Variants in LRRTM4 observed in about 807,000 individuals in gnomAD.
LRRTM4 encodes leucine rich repeat transmembrane neuronal 4.
LRRTM4 carries 25 observed loss-of-function variants against 47.6 expected under a neutral mutation model. That is an observed-to-expected ratio of 0.53 (90% CI 0.38 to 0.73). The LOEUF is 0.73. Among genes scored for constraint, LRRTM4 ranks in the 30% least tolerant of loss-of-function variants. The pLI, the probability that LRRTM4 is intolerant of heterozygous loss-of-function variation, is 0.00. For missense variants in LRRTM4, 638 were observed against 713.4 expected (o/e 0.89, Z 1.20); for synonymous variants, 311 against 269.5 (o/e 1.15, Z -1.51).
intron 3 of LRRTM4, among the ~76,000 whole-genome samples, chr2:76,779,802 T>C (rs1267884552): frequency 3.3e-5 from 5 of 152,218 alleles, no homozygotes; most frequent in African/African-American, 1.2e-4. Context: ...GATCTTATCA[T>C]TATGATGTTA....
At chr2:77,476,973 T>TGTGTGC (rs1475042423) in intron 3 of LRRTM4, among the ~76,000 whole-genome samples, 1 of 143,154 alleles carries the variant, frequency 7.0e-6, no homozygotes, top group African/African-American at 2.6e-5. Flanking sequence ...GATGTGTGTG[T>TGTGTGC]GTGTGTGTGT....
rs546436740 is a variant in LRRTM4 at position 77,321,559 on chromosome 2, G to A, written c.1551+196759C>T. ...GTGTTGGCTAAATCGGGGAGGGGGG[G>A]GGGTGTGTGAAAGAAAAGAAAAGAA... is the stretch of plus-strand genomic sequence containing the variant. On this transcript the variant is annotated intron_variant, in intron 3 of 3. Transcript: ENST00000409884. 2.6e-3 allele frequency among the ~76,000 whole-genome samples: 269 copies of A among 104,706 alleles called. 7 individuals are homozygous for A. The highest frequency in any genetic ancestry group is 3.9e-3 in the Admixed American group (35 of 9,022). The allele number at this position is 104,706 out of a possible 152,430, so 68.7% of individuals were successfully genotyped here. A position where few individuals can be genotyped will look rare whatever the true frequency, so the allele number is the denominator to read the frequency against.
At chr2:77,246,812 A>G (rs530458959) in intron 3 of LRRTM4, among the ~76,000 whole-genome samples, 1 of 152,184 alleles carries the variant, frequency 6.6e-6, no homozygotes, top group South Asian at 2.1e-4. Flanking sequence ...ATATACATAT[A>G]CATATGACAC....
intron 3 of LRRTM4, among the ~76,000 whole-genome samples, chr2:77,498,459 C>T (rs1450777931): frequency 1.3e-5 from 2 of 151,782 alleles, no homozygotes; most frequent in Admixed American, 6.6e-5. Context: ...TCTTTCTTTG[C>T]AGGGATCCCA....
At chr2:76,835,620 T>C (rs1331327097) in intron 3 of LRRTM4, among the ~76,000 whole-genome samples, 3 of 152,052 alleles carry the variant, frequency 2.0e-5, no homozygotes, top group Admixed American at 1.3e-4. Context: ...TCTCAAATTA[T>C]GGGAGTGTTT....
At chr2:77,388,795 G>T (rs6752628) in intron 3 of LRRTM4, among the ~76,000 whole-genome samples, 7,528 of 151,598 alleles carry the variant, frequency 0.05, 279 homozygotes, top group African/African-American at 0.092. Context: ...TATAGAGAGA[G>T]ATATATAGAT....
chr2:76,808,961 G>A (rs1302344559), intron 3 of LRRTM4, among the ~76,000 whole-genome samples: 3 of 152,164 alleles, frequency 2.0e-5, no homozygotes, highest in Non-Finnish European at 4.4e-5. Context: ...CACACCAGCT[G>A]TGTTTTGTGT....
chr2:76,982,943 CTTTTT>C (rs962354726), intron 3 of LRRTM4, among the ~76,000 whole-genome samples: 4 of 151,362 alleles, frequency 2.6e-5, no homozygotes, highest in East Asian at 3.9e-4. Context: ...TTTTAAACTT[CTTTTT>C]TGTTTTAAGT....
intron 3 of LRRTM4, among the ~76,000 whole-genome samples, chr2:76,945,126 A>C (rs1309990699): frequency 1.3e-5 from 2 of 152,126 alleles, no homozygotes; most frequent in Non-Finnish European, 2.9e-5. Flanking sequence ...TATTACACAC[A>C]AAATATAAGT....
At chr2:76,933,760 T>G (rs1443162907) in intron 3 of LRRTM4, among the ~76,000 whole-genome samples, 1 of 152,142 alleles carries the variant, frequency 6.6e-6, no homozygotes, top group Non-Finnish European at 1.5e-5. Context: ...GAGAAATTTC[T>G]GAGCACAGAA....
At chr2:77,315,933 T>G in intron 3 of LRRTM4, among the ~76,000 whole-genome samples, 1 of 152,302 alleles carries the variant, frequency 6.6e-6, no homozygotes, top group Middle Eastern at 3.4e-3. Context: ...TACTTTTCCT[T>G]TGGGCAAAGT....
intron 3 of LRRTM4, among the ~76,000 whole-genome samples, chr2:77,309,020 CAG>C (rs1259636010): frequency 2.0e-5 from 3 of 152,050 alleles, no homozygotes; most frequent in African/African-American, 4.8e-5. Context: ...GCAAAACAAA[CAG>C]AAATGTAAAT....
At chr2:76,827,116 G>C (rs548393012) in intron 3 of LRRTM4, among the ~76,000 whole-genome samples, 1 of 151,904 alleles carries the variant, frequency 6.6e-6, no homozygotes, top group Admixed American at 6.6e-5. Flanking sequence ...TTTTGACTTG[G>C]CTTCTTCTCA....
chr2:76,760,452 G>C (rs142547287), intron 3 of LRRTM4, among the ~76,000 whole-genome samples: 2 of 152,270 alleles, frequency 1.3e-5, no homozygotes, highest in African/African-American at 4.8e-5. Context: ...GGTGGTTTCT[G>C]AGCCAAAGAA....
At chr2:76,946,603 T>C (rs1675331266) in intron 3 of LRRTM4, among the ~76,000 whole-genome samples, 1 of 151,804 alleles carries the variant, frequency 6.6e-6, no homozygotes, top group Non-Finnish European at 1.5e-5. Context: ...AATTTTGTCA[T>C]GGTTAAAATC....
chr2:76,802,445 A>C (rs1038838718), intron 3 of LRRTM4, among the ~76,000 whole-genome samples: 1 of 152,254 alleles, frequency 6.6e-6, no homozygotes, highest in East Asian at 1.9e-4. Flanking sequence ...GAAAACAAAA[A>C]TAATTGATAA....
chr2:77,165,756 A>G (rs763398420), intron 3 of LRRTM4, among the ~76,000 whole-genome samples: 1 of 152,236 alleles, frequency 6.6e-6, no homozygotes, highest in Admixed American at 6.5e-5. Flanking sequence ...ACAAAATTCA[A>G]CAGCCCTTCG....
intron 3 of LRRTM4, among the ~76,000 whole-genome samples, chr2:77,356,973 A>G (rs1357186969): frequency 6.6e-6 from 1 of 152,124 alleles, no homozygotes; most frequent in Non-Finnish European, 1.5e-5. Flanking sequence ...GGAATTCACT[A>G]TACCTTCCTC....
At position 76,766,291 on chromosome 2, in the gene LRRTM4, A is replaced by T. The variant is rs186449613; in HGVS notation, c.1552-17375T>A. ...ACATTTAACATACAATTGAAATCCA[A>T]ACTGGAGCCATTTATATATATTTAG... On this transcript the variant is annotated intron_variant, in intron 3 of 3. Coordinates refer to ENST00000409884, the MANE Select transcript of LRRTM4 (RefSeq NM_001134745.3). Among the ~76,000 whole-genome samples, 14 of 152,272 alleles carry T rather than the reference A, an allele frequency of 9.2e-5. No individual in the cohort carries two copies. In the East Asian group the frequency reaches 2.1e-3, roughly 23 times the overall value.
Sources: allele counts gnomAD v4.1 joint callset (sites outside exome capture counted in the v4.1 genomes callset), GRCh38; gene constraint gnomAD v4.1.1; transcripts MANE v1.5; gene names NCBI Gene and HGNC (gene_info 2026-07-23, HGNC 2026-07-21).